The following CDH8 variants were observed in gnomAD, a reference collection of about 807,000 sequenced individuals.
CDH8 encodes the protein cadherin-8.
In CDH8, 17 loss-of-function variants were observed where a neutral mutation model predicts 68.1. That is an observed-to-expected ratio of 0.25 (90% confidence interval 0.17 to 0.37). CDH8 has a LOEUF of 0.37. Among genes scored for constraint, CDH8 ranks in the 10% least tolerant of loss-of-function variants. The pLI, the probability that CDH8 is intolerant of heterozygous loss-of-function variation, is 1.00. For synonymous variants in CDH8, 372 were observed against 365.1 expected (o/e 1.02, Z -0.21); for missense variants, 763 against 999.3 (o/e 0.76, Z 3.19).
rs1031058842 is a variant in CDH8, at chr16:61,649,506, T to C, written c.*4102A>G. 2 of 152,036 alleles carry C rather than the reference T, an allele frequency of 1.3e-5. No homozygotes were observed. Among genetic ancestry groups the C allele is most frequent in the Admixed American group, 6.6e-5 (1 of 15,224 alleles). The allele number at this position is 152,036 out of a possible 1,614,324, so 9.4% of individuals were successfully genotyped here. A position where few individuals can be genotyped will look rare whatever the true frequency, so the allele number is the denominator to read the frequency against. On this transcript the variant is annotated 3_prime_UTR_variant, in exon 12 of 12. Transcript: ENST00000577390. ...TATTCATGTTTAAGTTGTGCATTTA[T>C]AGAGCTTTTATAGTGATGCCCGCTG...
intron 10 of CDH8, among the ~76,000 whole-genome samples, chr16:61,657,770 C>T (rs1365994169): frequency 6.6e-6 from 1 of 152,032 alleles, no homozygotes; most frequent in Non-Finnish European, 1.5e-5. Context: ...GTTGACATTT[C>T]TATGAGAAAC....
intron 11 of CDH8, among the ~76,000 whole-genome samples, chr16:61,654,496 TA>T (rs35176751): frequency 0.13 from 18,891 of 151,042 alleles, 1,209 homozygotes; most frequent in African/African-American, 0.15. Flanking sequence ...TCCCTTCTAT[TA>T]AAAAAAAAGG....
At chr16:61,886,144 C>T (rs1034851316) in intron 3 of CDH8, among the ~76,000 whole-genome samples, 11 of 152,078 alleles carry the variant, frequency 7.2e-5, no homozygotes, top group East Asian at 3.9e-4. Context: ...CGATGGCAGA[C>T]GAAGAAAAAA....
intron 3 of CDH8, among the ~76,000 whole-genome samples, chr16:61,891,807 C>A (rs1243112417): frequency 6.6e-6 from 1 of 152,134 alleles, no homozygotes; most frequent in Admixed American, 6.6e-5. Context: ...TTGTTCATCA[C>A]GCTGAATGAA....
At chr16:62,029,616 C>T (rs1033542427) in intron 1 of CDH8, among the ~76,000 whole-genome samples, 1 of 152,184 alleles carries the variant, frequency 6.6e-6, no homozygotes, top group African/African-American at 2.4e-5. Flanking sequence ...CAAGCACTAC[C>T]TGTTCATGAG....
At chr16:61,927,069 TG>T (rs1277921416) in intron 2 of CDH8, among the ~76,000 whole-genome samples, 3 of 152,214 alleles carry the variant, frequency 2.0e-5, no homozygotes, top group Non-Finnish European at 4.4e-5. Context: ...TTGATTCACT[TG>T]TCATGTAATT....
intron 2 of CDH8, among the ~76,000 whole-genome samples, chr16:61,990,750 G>A (rs1022909328): frequency 6.6e-6 from 1 of 151,984 alleles, no homozygotes; most frequent in Non-Finnish European, 1.5e-5. Context: ...CTCAAGCCCA[G>A]GAGGATCAGG....
intron 1 of CDH8, 74 bp from the exon 2 acceptor site, chr16:62,021,676 A>G: frequency 1.2e-6 from 1 of 806,296 alleles, no homozygotes; most frequent in Non-Finnish European, 1.7e-6. Context: ...GCTTTTCAAA[A>G]GCACCTGAAG....
intron 2 of CDH8, among the ~76,000 whole-genome samples, chr16:61,951,294 G>A (rs1236459892): frequency 6.6e-6 from 1 of 151,844 alleles, no homozygotes; most frequent in Non-Finnish European, 1.5e-5. Context: ...GGCGGATCAC[G>A]AGGTCAGGAG....
At chr16:61,814,697 A>C (rs1962034224) in intron 7 of CDH8, among the ~76,000 whole-genome samples, 1 of 152,212 alleles carries the variant, frequency 6.6e-6, no homozygotes, top group Non-Finnish European at 1.5e-5. Context: ...TGTGTTACCC[A>C]ATAATTCCCT....
intron 2 of CDH8, among the ~76,000 whole-genome samples, chr16:62,002,639 G>A (rs1965910518): frequency 6.6e-6 from 1 of 152,170 alleles, no homozygotes; most frequent in Non-Finnish European, 1.5e-5. Context: ...GCACAGTCTA[G>A]AAATAAACTT....
chr16:61,668,684 A>AAC (rs59567900), intron 10 of CDH8, among the ~76,000 whole-genome samples: 1 of 151,718 alleles, frequency 6.6e-6, no homozygotes, highest in Non-Finnish European at 1.5e-5. Flanking sequence ...AAAAAAACAA[A>AAC]CACACACCAA....
At chr16:61,954,745 G>C (rs117010778) in intron 2 of CDH8, among the ~76,000 whole-genome samples, 1 of 151,032 alleles carries the variant, frequency 6.6e-6, no homozygotes, top group Non-Finnish European at 1.5e-5. Flanking sequence ...ATAAATACAG[G>C]AAATGAATTT....
At chr16:61,782,622 C>T (rs1961105403) in intron 8 of CDH8, among the ~76,000 whole-genome samples, 1 of 151,586 alleles carries the variant, frequency 6.6e-6, no homozygotes, top group Non-Finnish European at 1.5e-5. Context: ...CTGTAGGCTC[C>T]ACCTCTGGGG....
At chr16:61,917,210 T>G (rs1441939418) in intron 2 of CDH8, among the ~76,000 whole-genome samples, 2 of 136,300 alleles carry the variant, frequency 1.5e-5, no homozygotes, top group African/African-American at 2.9e-5. Flanking sequence ...TTTAGTCATC[T>G]ATAGGTAAGG....
At chr16:61,912,990 T>C (rs887081910) in intron 2 of CDH8, among the ~76,000 whole-genome samples, 3 of 152,168 alleles carry the variant, frequency 2.0e-5, no homozygotes, top group African/African-American at 7.2e-5. Flanking sequence ...AAAAATACAG[T>C]GTAATAACTA....
intron 9 of CDH8, among the ~76,000 whole-genome samples, chr16:61,721,686 T>C (rs188990515): frequency 6.6e-6 from 1 of 150,952 alleles, no homozygotes; most frequent in East Asian, 1.9e-4. Context: ...ATCAGACTCA[T>C]ATTCTCATGA....
At chr16:61,688,115 A>G (rs74023219) in intron 10 of CDH8, among the ~76,000 whole-genome samples, 9,346 of 151,994 alleles carry the variant, frequency 0.061, 990 homozygotes, top group African/African-American at 0.21. Context: ...CTTTTCCAAT[A>G]TGCTGTACTT....
chr16:61,665,003 T>A (rs1963637978), intron 10 of CDH8, among the ~76,000 whole-genome samples: 2 of 152,030 alleles, frequency 1.3e-5, no homozygotes, highest in Admixed American at 1.3e-4. Context: ...CGTTATCAAC[T>A]AAATACGTAA....
Sources: allele counts gnomAD v4.1 joint callset (sites outside exome capture counted in the v4.1 genomes callset), GRCh38; gene constraint gnomAD v4.1.1; transcripts MANE v1.5; gene names NCBI Gene and HGNC (gene_info 2026-07-23, HGNC 2026-07-21).